Variants in BRSK2 observed in about 807,000 individuals in gnomAD.
BRSK2 encodes the protein serine/threonine-protein kinase BRSK2.
In BRSK2, 19 loss-of-function variants were observed where a neutral mutation model predicts 83.3. The observed-to-expected ratio is 0.23, with a 90% confidence interval of 0.16 to 0.33. The LOEUF (loss-of-function observed/expected upper bound fraction) is 0.33. BRSK2 is among the 10% of genes least tolerant of loss of function. BRSK2 has a pLI of 1.00. For missense variants in BRSK2, 798 were observed against 1,042.3 expected (o/e 0.77, Z 3.23); for synonymous variants, 519 against 435.4 (o/e 1.19, Z -2.39).
Position 1,412,513 on chromosome 11 carries a change from C to G in BRSK2, c.91+22138C>G, listed in dbSNP as rs138775846. On this transcript the variant is annotated intron_variant, in intron 1 of 19. Coordinates refer to ENST00000528841, the MANE Select transcript of BRSK2 (RefSeq NM_001256627.2). Reference sequence around the variant, plus strand: ...GCTGCCCCGTCCTGTGATTGGTGAACTCTGAGCTGTGCTGCTCTGTCCTCT... The same window carrying G: ...GCTGCCCCGTCCTGTGATTGGTGAAGTCTGAGCTGTGCTGCTCTGTCCTCT... 3.6e-5 allele frequency among the ~76,000 whole-genome samples: 2 copies of G among 55,826 alleles called. 1 individual carries two copies. The highest frequency in any genetic ancestry group is 3.2e-4 in the Admixed American group (2 of 6,304). 36.6% of individuals were successfully genotyped at this position (55,826 alleles called of 152,430 possible).
intron 4 of BRSK2, 35 bp from the exon 5 acceptor site, chr11:1,442,455 C>T (rs1249474310): frequency 6.4e-7 from 1 of 1,555,790 alleles, no homozygotes; most frequent in Non-Finnish European, 8.9e-7. Flanking sequence ...AAGGCAGAGA[C>T]TGGCCCTGTT....
chr11:1,415,371 G>A (rs1011964638), intron 1 of BRSK2, among the ~76,000 whole-genome samples: 1 of 152,168 alleles, frequency 6.6e-6, no homozygotes, highest in African/African-American at 2.4e-5. Flanking sequence ...TGGGATTACA[G>A]GCATGAGCCA....
chr11:1,436,773 G>A lies in BRSK2; in HGVS notation c.186+639G>A, dbSNP rs368704904. 9.9e-5 allele frequency among the ~76,000 whole-genome samples: 15 copies of A among 152,182 alleles called. No homozygotes were observed. The East Asian group carries it at 2.3e-3, about 24-fold the overall frequency. Reference sequence around the variant, plus strand: ...AGCGTGCGACCCTCCCAGCACTGGGGCCAGTCGAGCCCCCTCCTCTCCCTT... The same window carrying A: ...AGCGTGCGACCCTCCCAGCACTGGGACCAGTCGAGCCCCCTCCTCTCCCTT... On this transcript the variant is annotated intron_variant, in intron 2 of 19. Transcript: ENST00000528841.
rs1229941168 is a variant in BRSK2, at chr11:1,390,063, G to T, written c.-222G>T. ...CCCCCGCCCGCCCTGTCCTCTCGAC[G>T]AGGCGGAGGCGTCGCCGCGGGCCAG... On this transcript the variant is annotated 5_prime_UTR_variant, in exon 1 of 20. Coordinates refer to ENST00000528841, the MANE Select transcript of BRSK2 (RefSeq NM_001256627.2). The surrounding 1 kb of genome is among the most constrained non-coding windows in gnomAD (Gnocchi z 6.8). 1 of 147,878 alleles carries T rather than the reference G, an allele frequency of 6.8e-6. No homozygotes were observed. The highest frequency in any genetic ancestry group is 1.8e-4 in the South Asian group (1 of 5,642). The allele number at this position is 147,878 out of a possible 1,614,324, so 9.2% of individuals were successfully genotyped here.
chr11:1,436,250 G>GGGGGGGGCC, intron 2 of BRSK2, 116 bp downstream of exon 2: 2 of 168,874 alleles, frequency 1.2e-5, no homozygotes, highest in Non-Finnish European at 1.9e-5. Flanking sequence ...GGGGGGGCGG[G>GGGGGGGGCC]CCCTGCAGGC....
At chr11:1,439,138 A>T (rs1239410849) in intron 3 of BRSK2, among the ~76,000 whole-genome samples, 1 of 152,122 alleles carries the variant, frequency 6.6e-6, no homozygotes, top group Non-Finnish European at 1.5e-5. Flanking sequence ...GGCATCTCTG[A>T]GGCATCAGGC....
At chr11:1,450,301 C>T (rs554315697) in intron 13 of BRSK2, among the ~76,000 whole-genome samples, 53 of 152,124 alleles carry the variant, frequency 3.5e-4, no homozygotes, top group Non-Finnish European at 5.7e-4. Flanking sequence ...CCACGGAGCC[C>T]GAAGCTTGTG....
At chr11:1,398,413 G>A (rs1406136344) in intron 1 of BRSK2, among the ~76,000 whole-genome samples, 2 of 152,140 alleles carry the variant, frequency 1.3e-5, no homozygotes, top group Non-Finnish European at 2.9e-5. Flanking sequence ...GAGGTAATAG[G>A]TGTGGTACCC....
At chr11:1,412,935 A>G (rs1436256843) in intron 1 of BRSK2, among the ~76,000 whole-genome samples, 1 of 152,110 alleles carries the variant, frequency 6.6e-6, no homozygotes. Context: ...ATGGCCTCCC[A>G]CCGTGCACGC....
chr11:1,426,004 C>T (rs896434870), intron 1 of BRSK2, among the ~76,000 whole-genome samples: 1 of 152,214 alleles, frequency 6.6e-6, no homozygotes, highest in African/African-American at 2.4e-5. Context: ...ACGGTGAGCA[C>T]ACCTCACCTG....
chr11:1,445,983 A>G (rs1390391389), intron 12 of BRSK2, 76 bp downstream of exon 12: 7 of 1,506,862 alleles, frequency 4.6e-6, no homozygotes, highest in Non-Finnish European at 5.3e-6. Flanking sequence ...GCTCATCGCT[A>G]CCCATTGGCC....
chr11:1,451,852 G>A (rs752827469), intron 15 of BRSK2, among the ~76,000 whole-genome samples: 5 of 152,146 alleles, frequency 3.3e-5, no homozygotes, highest in Non-Finnish European at 5.9e-5. Context: ...GTCTGGCCCC[G>A]CCGCCTTTCT....
intron 13 of BRSK2, 114 bp downstream of exon 13, chr11:1,449,950 C>T: frequency 4.3e-6 from 3 of 692,216 alleles, no homozygotes; most frequent in East Asian, 2.7e-5. Context: ...GCCCCAGGCG[C>T]CCCCCATGCC....
At chr11:1,410,484 G>T (rs1417855823) in intron 1 of BRSK2, 4 of 985,556 alleles carry the variant, frequency 4.1e-6, no homozygotes, top group Non-Finnish European at 4.8e-6. Flanking sequence ...TCATGCTGCT[G>T]TGTGCGATGG....
chr11:1,448,919 G>A (rs575857368), intron 12 of BRSK2, among the ~76,000 whole-genome samples: 3 of 152,354 alleles, frequency 2.0e-5, no homozygotes, highest in East Asian at 1.9e-4. Context: ...CCTCGTGGCC[G>A]GCTGGCGGTG....
chr11:1,395,056 C>T (rs1013555293), intron 1 of BRSK2, among the ~76,000 whole-genome samples: 18 of 152,138 alleles, frequency 1.2e-4, no homozygotes, highest in African/African-American at 2.7e-4. Context: ...AGACAGGACC[C>T]GGCAGCCTCC....
rs1048943266 is a variant in BRSK2 at position 1,438,446 on chromosome 11, C to T, written c.272+55C>T. ...GTGGCGGAGGTGGCAGCTGTCGCTG[C>T]AGGGGTGGGTGTCTGGGGCTTGGGG... On this transcript the variant is annotated intron_variant, in intron 3 of 19. Coordinates refer to ENST00000528841, the MANE Select transcript of BRSK2 (RefSeq NM_001256627.2). This position sits in a 1 kb window ranked among gnomAD's most constrained non-coding sequence, Gnocchi z 6.4. 2.6e-6 allele frequency: 4 copies of T among 1,528,516 alleles called. No individual in the cohort carries two copies. In the African/African-American group the frequency reaches 5.5e-5, roughly 21 times the overall value. 94.7% of individuals were successfully genotyped at this position (1,528,516 alleles called of 1,614,324 possible).
rs1171292118 is a variant in BRSK2 at position 1,454,571 on chromosome 11, G to A, written c.1631G>A (p.Ser544Asn). ...IFVVIKDKPL[S>N]SIKADIVHAF... ...GTGGTCATCAAAGACAAACCTCTGAGCTCCATCAAGGCTGACATCGTGCAC... is the reference window on the plus strand; with the variant it reads ...GTGGTCATCAAAGACAAACCTCTGAACTCCATCAAGGCTGACATCGTGCAC... The change falls in exon 16 of 20, where the codon AGC (serine) becomes AAC (asparagine). Residue 544 changes from serine (S) to asparagine (N), a missense_variant. Ser to Asn is a conservative substitution (Grantham distance 46). Transcript: ENST00000528841. This position sits in a 1 kb window ranked among gnomAD's most constrained non-coding sequence, Gnocchi z 5.2. 4.3e-6 allele frequency: 7 copies of A among 1,613,166 alleles called. No individual in the cohort carries two copies. The highest frequency in any genetic ancestry group is 1.7e-5 in the Admixed American group (1 of 60,002).
Position 1,461,250 on chromosome 11 carries a change from A to C in BRSK2, c.*527A>C. The C allele has an allele frequency of 1.7e-6, 1 of 572,162 alleles. No homozygotes were observed. Among genetic ancestry groups the C allele is most frequent in the South Asian group, 2.1e-5 (1 of 46,656 alleles). 35.4% of individuals were successfully genotyped at this position (572,162 alleles called of 1,614,324 possible). A position where few individuals can be genotyped will look rare whatever the true frequency, so the allele number is the denominator to read the frequency against. ...GCCTGCCTGGTGGCCTTCTGGGGCCAGGACCCCTGGTGGGCAACGTAGCCA... is the reference window on the plus strand; with the variant it reads ...GCCTGCCTGGTGGCCTTCTGGGGCCCGGACCCCTGGTGGGCAACGTAGCCA... On this transcript the variant is annotated 3_prime_UTR_variant, in exon 20 of 20. Transcript: ENST00000528841.
Sources: gnomAD v4.1 joint callset for allele counts (sites outside exome capture counted in the v4.1 genomes callset) on GRCh38, gnomAD v4.1.1 for gene constraint, Gnocchi (gnomAD v3.1) non-coding constraint, MANE v1.5 for transcripts, NCBI Gene and HGNC (gene_info 2026-07-23, HGNC 2026-07-21) for gene names.